CTNNA3: variants seen among roughly 807,000 people sequenced by gnomAD.
CTNNA3 encodes the protein catenin alpha 3.
CTNNA3 carries 76 observed loss-of-function variants against 95.7 expected under a neutral mutation model. The ratio of observed to expected loss-of-function variants is 0.79; its 90% CI spans 0.66 to 0.96. CTNNA3 has a LOEUF of 0.96. Ranked by LOEUF, CTNNA3 falls within the 40% of genes least tolerant of loss-of-function variation. The pLI, the probability that CTNNA3 is intolerant of heterozygous loss-of-function variation, is 0.00. For missense variants in CTNNA3, 1,191 were observed against 1,089.8 expected, an observed-to-expected ratio of 1.09 and a Z score of -1.31; for synonymous variants, 431 against 374.4, an observed-to-expected ratio of 1.15 and a Z score of -1.74.
intron 11 of CTNNA3, among the ~76,000 whole-genome samples, chr10:66,500,052 C>T (rs929690581): frequency 6.6e-6 from 1 of 151,922 alleles, no homozygotes; most frequent in African/African-American, 2.4e-5. Context: ...CCACCTGCCT[C>T]GGCCTCCCAA....
intron 9 of CTNNA3, among the ~76,000 whole-genome samples, chr10:66,709,084 G>A (rs968266828): frequency 9.9e-5 from 15 of 152,190 alleles, no homozygotes; most frequent in African/African-American, 2.4e-4. Flanking sequence ...TCCAAGGCCT[G>A]AATTCCTCTA....
Position 67,063,997 on chromosome 10 carries a change from T to C in CTNNA3, c.1047+116320A>G, listed in dbSNP as rs181313540. 1.3e-4 allele frequency among the ~76,000 whole-genome samples: 20 copies of C among 152,310 alleles called. No homozygotes were observed. In the East Asian group the frequency reaches 3.7e-3, roughly 28 times the overall value. ...TAACACAGTCAGTTGGATGGAATTTTAGAGTCATCTCCCTCTATGCACGTG... is the reference window on the plus strand; with the variant it reads ...TAACACAGTCAGTTGGATGGAATTTCAGAGTCATCTCCCTCTATGCACGTG... On this transcript the variant is annotated intron_variant, in intron 7 of 17. Transcript: ENST00000433211.
At chr10:66,082,288 T>C (rs2080796156) in intron 14 of CTNNA3, among the ~76,000 whole-genome samples, 1 of 152,086 alleles carries the variant, frequency 6.6e-6, no homozygotes, top group Non-Finnish European at 1.5e-5. Flanking sequence ...CCTCCTGATT[T>C]GATGGACTGA....
chr10:66,336,158 T>G (rs1222434216), intron 12 of CTNNA3, among the ~76,000 whole-genome samples: 2 of 152,066 alleles, frequency 1.3e-5, no homozygotes, highest in African/African-American at 2.4e-5. Context: ...GAAACGGAAT[T>G]CCCTGACCCC....
intron 9 of CTNNA3, among the ~76,000 whole-genome samples, chr10:66,698,823 CA>C (rs1847851147): frequency 6.6e-6 from 1 of 152,040 alleles, no homozygotes; most frequent in South Asian, 2.1e-4. Flanking sequence ...AGAGATGAAA[CA>C]AAACATCCAA....
chr10:66,852,614 G>T (rs748291512), intron 7 of CTNNA3, among the ~76,000 whole-genome samples: 1 of 152,088 alleles, frequency 6.6e-6, no homozygotes, highest in Non-Finnish European at 1.5e-5. Flanking sequence ...ACACTGGGGA[G>T]ACGCATGAAG....
chr10:67,701,481 A>C (rs1841039052), intron 1 of CTNNA3, among the ~76,000 whole-genome samples: 1 of 152,188 alleles, frequency 6.6e-6, no homozygotes, highest in Non-Finnish European at 1.5e-5. Context: ...CAACACTCTT[A>C]AAGAAAAGAA....
intron 1 of CTNNA3, among the ~76,000 whole-genome samples, chr10:67,727,162 T>A (rs1283062748): frequency 8.1e-6 from 1 of 123,016 alleles, no homozygotes; most frequent in Non-Finnish European, 1.6e-5. Flanking sequence ...TAATTATATA[T>A]AATATATGAT....
chr10:67,298,958 G>A (rs868744346), intron 5 of CTNNA3, among the ~76,000 whole-genome samples: 51 of 151,700 alleles, frequency 3.4e-4, no homozygotes, highest in Middle Eastern at 3.4e-3. Context: ...GTCTTGCTCT[G>A]TTGCCAGGCT....
intron 12 of CTNNA3, among the ~76,000 whole-genome samples, chr10:66,315,505 C>T (rs948856010): frequency 5.6e-5 from 7 of 125,054 alleles, no homozygotes; most frequent in African/African-American, 1.7e-4. Flanking sequence ...TCTGACTTCT[C>T]TTGTGTGTGT....
intron 5 of CTNNA3, among the ~76,000 whole-genome samples, chr10:67,400,034 G>T (rs1229002569): frequency 6.6e-6 from 1 of 151,814 alleles, no homozygotes; most frequent in Non-Finnish European, 1.5e-5. Flanking sequence ...TCATCATTTA[G>T]CATTAGGTAT....
At chr10:66,534,129 A>G (rs1841566120) in intron 10 of CTNNA3, among the ~76,000 whole-genome samples, 2 of 152,160 alleles carry the variant, frequency 1.3e-5, no homozygotes, top group African/African-American at 4.8e-5. Flanking sequence ...AGCAAAAGGT[A>G]AACATTAAAG....
chr10:67,756,265 AG>A (rs1841432681), intron 1 of CTNNA3, among the ~76,000 whole-genome samples: 1 of 152,236 alleles, frequency 6.6e-6, no homozygotes, highest in South Asian at 2.1e-4. Context: ...TAGATAAATC[AG>A]TAGGGTGTCT....
chr10:67,434,843 T>C (rs1033536091), intron 5 of CTNNA3, among the ~76,000 whole-genome samples: 4 of 152,018 alleles, frequency 2.6e-5, no homozygotes, highest in African/African-American at 9.7e-5. Flanking sequence ...GAGAGCCTTG[T>C]TGCTGCCTCC....
At chr10:66,844,606 T>G (rs1382225373) in intron 7 of CTNNA3, among the ~76,000 whole-genome samples, 2 of 152,200 alleles carry the variant, frequency 1.3e-5, no homozygotes, top group Non-Finnish European at 2.9e-5. Flanking sequence ...TGTGGAATCT[T>G]CAGAAAGATT....
At chr10:66,912,956 T>C (rs944741898) in intron 7 of CTNNA3, among the ~76,000 whole-genome samples, 13 of 152,058 alleles carry the variant, frequency 8.5e-5, no homozygotes, top group Non-Finnish European at 1.3e-4. Flanking sequence ...AATGCGTACA[T>C]AGGCCGGGCG....
chr10:67,703,743 G>C (rs1193878685), intron 1 of CTNNA3, among the ~76,000 whole-genome samples: 2 of 152,146 alleles, frequency 1.3e-5, no homozygotes, highest in Admixed American at 1.3e-4. Flanking sequence ...TCTCACCACT[G>C]CTATTCAACA....
At chr10:66,957,469 T>C (rs1848884157) in intron 7 of CTNNA3, among the ~76,000 whole-genome samples, 1 of 144,516 alleles carries the variant, frequency 6.9e-6, no homozygotes, top group African/African-American at 2.5e-5. Context: ...TATATATATA[T>C]GTTTGATCCT....
At position 65,988,532 on chromosome 10, in the gene CTNNA3, C is replaced by T. The variant is rs111421884; in HGVS notation, c.2265+160G>A. On this transcript the variant is annotated intron_variant, in intron 16 of 17. Transcript: ENST00000433211. ...AGAAATAATTAAGCTTCCTTATAAT[C>T]GTCCATTACCTAGTGTATTAATAGA... Among the ~76,000 whole-genome samples, 2,361 of 152,124 alleles carry T rather than the reference C, an allele frequency of 0.016. 66 individuals are homozygous for T. Among genetic ancestry groups the T allele is most frequent in the African/African-American group, 0.054 (2,238 of 41,522 alleles).
Sources: allele counts gnomAD v4.1 joint callset (sites outside exome capture counted in the v4.1 genomes callset), GRCh38; gene constraint gnomAD v4.1.1; transcripts MANE v1.5; gene names NCBI Gene and HGNC (gene_info 2026-07-23, HGNC 2026-07-21).